TRIO: variants seen among roughly 807,000 people sequenced by gnomAD.
TRIO encodes the protein trio Rho guanine nucleotide exchange factor.
A neutral mutation model predicts 351.9 loss-of-function variants in TRIO; 58 were observed. The ratio of observed to expected loss-of-function variants is 0.16; its 90% CI spans 0.13 to 0.21. The LOEUF is 0.21. Ranked by LOEUF, TRIO falls within the 10% of genes least tolerant of loss-of-function variation. The pLI is 1.00. For synonymous variants in TRIO, 1,758 were observed against 1,595.7 expected, an observed-to-expected ratio of 1.10 and a Z score of -2.42; for missense variants, 3,201 against 4,027.8, an observed-to-expected ratio of 0.79 and a Z score of 5.56.
intron 34 of TRIO, among the ~76,000 whole-genome samples, chr5:14,435,909 C>T (rs1751544541): frequency 6.6e-6 from 1 of 152,214 alleles, no homozygotes; most frequent in East Asian, 1.9e-4. Context: ...AAGAAGCCCT[C>T]CTGGTCCGTT....
intron 49 of TRIO, among the ~76,000 whole-genome samples, chr5:14,495,455 G>A (rs1329257036): frequency 1.3e-5 from 2 of 152,076 alleles, no homozygotes; most frequent in Non-Finnish European, 2.9e-5. Context: ...TGCTATCAGT[G>A]TCACATGCTG....
Position 14,471,415 on chromosome 5 carries a change from C to T in TRIO, c.5861C>T (p.Ser1954Leu), listed in dbSNP as rs866567869. The change falls in exon 38 of 57, where the codon TCG (serine) becomes TTG (leucine). Residue 1954 changes from serine to leucine, a missense_variant. Around this residue, in one of 19 missense-constraint regions of TRIO, gnomAD observed 307 missense variants for 396.5 expected, o/e 0.77. Coordinates refer to ENST00000344204, the MANE Select transcript of TRIO (RefSeq NM_007118.4). ...GATAATTCCCTTCTCTCTTCCTCCT[C>T]GCCCATTGATGAGATGGAAGAAAGG... ...PSDNSLLSSS[S>L]PIDEMEERKS... 4 of 1,614,168 alleles carry T rather than the reference C, an allele frequency of 2.5e-6. No homozygotes were observed. Among genetic ancestry groups the T allele is most frequent in the Non-Finnish European group, 3.4e-6 (4 of 1,180,030 alleles).
chr5:14,481,771 CTTTTT>C (rs34046917), intron 45 of TRIO, 153 bp downstream of exon 45: 2,224 of 188,508 alleles, frequency 0.012, no homozygotes, highest in East Asian at 0.02. Context: ...ATTTTATTTC[CTTTTT>C]TTTTTTTTTT....
intron 1 of TRIO, among the ~76,000 whole-genome samples, chr5:14,201,833 T>C (rs1791129183): frequency 6.6e-6 from 1 of 152,072 alleles, no homozygotes; most frequent in African/African-American, 2.4e-5. Context: ...TGGACCTGAA[T>C]GGCAGTCATG....
intron 1 of TRIO, among the ~76,000 whole-genome samples, chr5:14,190,060 C>CT (rs5866092): frequency 0.61 from 93,359 of 151,832 alleles, 31,604 homozygotes; most frequent in East Asian, 0.96. Flanking sequence ...GACAGTTGAC[C>CT]TTTTTTTAGT....
intron 34 of TRIO, among the ~76,000 whole-genome samples, chr5:14,457,693 C>T (rs1313525927): frequency 5.3e-5 from 8 of 152,186 alleles, no homozygotes; most frequent in Non-Finnish European, 1.2e-4. Context: ...TTCTCTCATG[C>T]GTGCAGAGGC....
chr5:14,355,138 C>CTG (rs1191072146), intron 11 of TRIO, among the ~76,000 whole-genome samples: 1 of 152,200 alleles, frequency 6.6e-6, no homozygotes, highest in Non-Finnish European at 1.5e-5. Context: ...CCCACCCCAC[C>CTG]ACCTGCATGT....
intron 34 of TRIO, among the ~76,000 whole-genome samples, chr5:14,455,319 G>T (rs1318003989): frequency 6.6e-6 from 1 of 152,180 alleles, no homozygotes; most frequent in Non-Finnish European, 1.5e-5. Flanking sequence ...GTGCTGATTG[G>T]TGCGTTTACA....
rs1246901413 is a variant in TRIO, at chr5:14,479,467, G to A, written c.6243+117G>A. On this transcript the variant is annotated intron_variant, in intron 42 of 56. Transcript: ENST00000344204. The stretch of plus-strand genomic sequence containing the variant: ...TAATTTCCAAAGAAAATTAGCCTGA[G>A]TGATAAGACTTCTGAACCTTTCTTT... 9.3e-5 allele frequency: 76 copies of A among 821,284 alleles called. 1 individual carries two copies. Among genetic ancestry groups the A allele is most frequent in the Non-Finnish European group, 5.7e-6 (3 of 528,118 alleles). 50.9% of individuals were successfully genotyped at this position (821,284 alleles called of 1,614,324 possible).
intron 1 of TRIO, among the ~76,000 whole-genome samples, chr5:14,146,788 C>T (rs775360489): frequency 5.3e-5 from 8 of 152,184 alleles, no homozygotes; most frequent in African/African-American, 1.4e-4. Context: ...CATTGTTCTC[C>T]GCTTTTCTTT....
chr5:14,221,814 A>G (rs1407153159), intron 1 of TRIO, among the ~76,000 whole-genome samples: 1 of 152,258 alleles, frequency 6.6e-6, no homozygotes, highest in Non-Finnish European at 1.5e-5. Flanking sequence ...TTGAAGTGAC[A>G]ACAAAGGATT....
chr5:14,175,887 C>G (rs747317101), intron 1 of TRIO, among the ~76,000 whole-genome samples: 19 of 152,320 alleles, frequency 1.2e-4, no homozygotes, highest in Non-Finnish European at 2.2e-4. Flanking sequence ...CACAAAGTGT[C>G]ATGTTACAGT....
chr5:14,275,390 G>C (rs154150), intron 2 of TRIO, among the ~76,000 whole-genome samples: 6 of 151,908 alleles, frequency 3.9e-5, no homozygotes, highest in Non-Finnish European at 8.8e-5. Context: ...TTGAAACCTG[G>C]AATCATTTGT....
chr5:14,342,382 A>C (rs539136868), intron 11 of TRIO, among the ~76,000 whole-genome samples: 18 of 152,240 alleles, frequency 1.2e-4, no homozygotes, highest in Non-Finnish European at 2.2e-4. Flanking sequence ...TAAACTAAAC[A>C]GGAAAACTGA....
At chr5:14,401,158 G>T (rs772273532) in intron 31 of TRIO, 94 bp downstream of exon 31, 28 of 1,045,094 alleles carry the variant, frequency 2.7e-5, no homozygotes, top group Non-Finnish European at 3.9e-5. Context: ...ATTATTATTT[G>T]TTGTTGTTGT....
chr5:14,145,383 T>TG (rs1008129578), intron 1 of TRIO, among the ~76,000 whole-genome samples: 14 of 152,208 alleles, frequency 9.2e-5, no homozygotes, highest in African/African-American at 3.4e-4. Context: ...CACAGCCGAC[T>TG]GTCCAGTGTT....
rs927055863 is a variant in TRIO at position 14,182,874 on chromosome 5, C to G, written c.157+38992C>G. On this transcript the variant is annotated intron_variant, in intron 1 of 56. Coordinates refer to ENST00000344204, the MANE Select transcript of TRIO (RefSeq NM_007118.4). ...AAATACAGTGGAGACCCCCCCCCCTCCACTTTGCCGTGCACTTTGTTCTAG... is the reference window on the plus strand; with the variant it reads ...AAATACAGTGGAGACCCCCCCCCCTGCACTTTGCCGTGCACTTTGTTCTAG... Among the ~76,000 whole-genome samples, 7 of 15,760 alleles carry G rather than the reference C, an allele frequency of 4.4e-4. No homozygotes were observed. The South Asian group carries it at 0.012, about 27-fold the overall frequency. 10.3% of individuals were successfully genotyped at this position (15,760 alleles called of 152,430 possible).
At chr5:14,448,272 C>T (rs1752585490) in intron 34 of TRIO, among the ~76,000 whole-genome samples, 1 of 152,252 alleles carries the variant, frequency 6.6e-6, no homozygotes, top group African/African-American at 2.4e-5. Flanking sequence ...TTCAGAAGTT[C>T]TTGCTTTCTG....
intron 49 of TRIO, among the ~76,000 whole-genome samples, chr5:14,496,238 A>G (rs1579830853): frequency 6.6e-6 from 1 of 152,350 alleles, no homozygotes; most frequent in South Asian, 2.1e-4. Context: ...GATGTGGCTC[A>G]CTTTGTTGTG....
Sources: gnomAD v4.1 joint callset for allele counts (sites outside exome capture counted in the v4.1 genomes callset) on GRCh38, gnomAD v4.1.1 for gene constraint, gnomAD v4.1.1 regional missense constraint, MANE v1.5 for transcripts, NCBI Gene and HGNC (gene_info 2026-07-23, HGNC 2026-07-21) for gene names.